Variants in IFT52 observed in about 807,000 individuals in gnomAD.
IFT52 encodes the protein intraflagellar transport protein 52 homolog.
Under a neutral mutation model 54.4 loss-of-function variants are expected in IFT52, and 44 were observed. That is an observed-to-expected ratio of 0.81 (90% CI 0.63 to 1.04). The LOEUF is 1.04. Among genes scored for constraint, IFT52 ranks in the 50% least tolerant of loss-of-function variants. The pLI is 0.00. For synonymous variants in IFT52, 181 were observed against 185.3 expected (o/e 0.98, Z 0.19); for missense variants, 452 against 523.6 (o/e 0.86, Z 1.33).
intron 8 of IFT52, 23 bp downstream of exon 8, chr20:43,619,049 T>G: frequency 1.4e-6 from 2 of 1,452,016 alleles, no homozygotes; most frequent in Middle Eastern, 1.7e-4. Context: ...TTTTGTCATA[T>G]TAATATACAA....
intron 1 of IFT52, among the ~76,000 whole-genome samples, chr20:43,592,446 C>T (rs1601013202): frequency 6.6e-6 from 1 of 151,878 alleles, no homozygotes; most frequent in South Asian, 2.1e-4. Flanking sequence ...TGTGTTTGGG[C>T]GCCTGTAGTC....
At chr20:43,612,468 G>A (rs758008948) in intron 6 of IFT52, among the ~76,000 whole-genome samples, 19 of 151,994 alleles carry the variant, frequency 1.3e-4, no homozygotes, top group African/African-American at 2.7e-4. Flanking sequence ...CAAGGTGGGC[G>A]GATTGCCTGA....
chr20:43,626,576 T>C (rs1000068752), intron 10 of IFT52, among the ~76,000 whole-genome samples: 1 of 152,154 alleles, frequency 6.6e-6, no homozygotes, highest in African/African-American at 2.4e-5. Flanking sequence ...TCAGGATGAA[T>C]CTTTTTTCTT....
At chr20:43,592,190 A>G (rs1020757062) in intron 1 of IFT52, among the ~76,000 whole-genome samples, 6 of 152,072 alleles carry the variant, frequency 3.9e-5, no homozygotes, top group Non-Finnish European at 7.4e-5. Flanking sequence ...CACCGTCTCT[A>G]CTATGGCGCG....
chr20:43,622,392 A>C (rs1309374030), intron 9 of IFT52, among the ~76,000 whole-genome samples: 1 of 151,904 alleles, frequency 6.6e-6, no homozygotes, highest in Admixed American at 6.6e-5. Context: ...AGGTCAGGAG[A>C]TGGAGACCAT....
rs1379270397 is a variant in IFT52, at chr20:43,605,056, C to G, written c.468C>G (p.Ser156Arg). Residue 156 changes from serine (S) to arginine (R), a missense_variant, in exon 6 of 14, where the codon AGC becomes AGG. Coordinates refer to ENST00000373030, the MANE Select transcript of IFT52 (RefSeq NM_016004.5). ...KAVPGIIDEE[S>R]SGNNAQALTF... The stretch of plus-strand genomic sequence containing the variant: ...TGCCTGGGATCATTGATGAGGAAAG[C>G]AGTGGAAACAATGCCCAGTGAGTGT... The G allele has an allele frequency of 9.3e-6, 15 of 1,613,446 alleles. No individual in the cohort carries two copies. Among genetic ancestry groups the G allele is most frequent in the Non-Finnish European group, 1.3e-5 (15 of 1,179,798 alleles).
At chr20:43,639,651 C>T (rs1985781355) in intron 12 of IFT52, among the ~76,000 whole-genome samples, 1 of 151,958 alleles carries the variant, frequency 6.6e-6, no homozygotes, top group Non-Finnish European at 1.5e-5. Context: ...GCCTGGGCAA[C>T]AAGAGCGAAA....
rs1982771308 is a variant in IFT52 at position 43,605,264 on chromosome 20, G to A, written c.485+191G>A. 2.3e-6 allele frequency: 3 copies of A among 1,329,144 alleles called. No individual in the cohort carries two copies. In the East Asian group the frequency reaches 1.0e-4, roughly 46 times the overall value. The allele number at this position is 1,329,144 out of a possible 1,614,324, so 82.3% of individuals were successfully genotyped here. On this transcript the variant is annotated intron_variant, in intron 6 of 13. Transcript: ENST00000373030. The stretch of plus-strand genomic sequence containing the variant: ...GAAGGTAGTCTTAATATAGTATTTA[G>A]GCCCAGCATGGTGGCTCACGCCTGT...
chr20:43,647,082 C>A lies in IFT52; in HGVS notation c.*99C>A, dbSNP rs954911404. The A allele has an allele frequency of 2.9e-6, 3 of 1,032,832 alleles. No individual in the cohort carries two copies. Among genetic ancestry groups the A allele is most frequent in the Non-Finnish European group, 4.6e-6 (3 of 656,318 alleles). The allele number at this position is 1,032,832 out of a possible 1,614,324, so 64.0% of individuals were successfully genotyped here. On this transcript the variant is annotated 3_prime_UTR_variant, in exon 14 of 14. Coordinates refer to ENST00000373030, the MANE Select transcript of IFT52 (RefSeq NM_016004.5). ...TCCTTATCAAAATTGTTTATACACT[C>A]TTTCCTCCATGAGCTCTGGAAGGTA...
At chr20:43,635,124 C>T (rs543482760) in intron 10 of IFT52, among the ~76,000 whole-genome samples, 2 of 151,004 alleles carry the variant, frequency 1.3e-5, no homozygotes, top group Non-Finnish European at 2.9e-5. Context: ...GCCGAGATCG[C>T]GCCACTGCAC....
At chr20:43,633,142 G>A (rs1985286925) in intron 10 of IFT52, among the ~76,000 whole-genome samples, 1 of 152,038 alleles carries the variant, frequency 6.6e-6, no homozygotes, top group Admixed American at 6.6e-5. Flanking sequence ...TTGGGAGTTC[G>A]AGACCAGCCT....
In IFT52 at chr20:43,604,222, C is replaced by A; in HGVS notation, c.377C>A (p.Pro126His). 1 of 1,611,608 alleles carries A rather than the reference C, an allele frequency of 6.2e-7. No homozygotes were observed. The highest frequency in any genetic ancestry group is 8.5e-7 in the Non-Finnish European group (1 of 1,177,768). The stretch of plus-strand genomic sequence containing the variant: ...AATGTATATCACAAATATTTCCATC[C>A]TAAAGAAGCTCTAGTTTCCAGTGGA... ...VRNVYHKYFH[P>H]KEALVSSGVL... The change falls in exon 5 of 14, where the codon CCT (proline) becomes CAT (histidine). Residue 126 changes from proline (P) to histidine (H), a missense_variant. By Grantham distance (77) the Pro-to-His change is moderately conservative. Coordinates refer to ENST00000373030, the MANE Select transcript of IFT52 (RefSeq NM_016004.5).
intron 10 of IFT52, among the ~76,000 whole-genome samples, chr20:43,635,532 G>C (rs148393774): frequency 2.0e-5 from 3 of 152,236 alleles, no homozygotes; most frequent in African/African-American, 7.2e-5. Context: ...CTTGACCTCA[G>C]GTGATCCACC....
intron 10 of IFT52, among the ~76,000 whole-genome samples, chr20:43,629,475 T>C (rs1985007480): frequency 6.6e-6 from 1 of 152,172 alleles, no homozygotes; most frequent in African/African-American, 2.4e-5. Context: ...GGTTTCACTG[T>C]GTTAGCCAGG....
At chr20:43,628,175 C>T (rs888039030) in intron 10 of IFT52, among the ~76,000 whole-genome samples, 11 of 151,992 alleles carry the variant, frequency 7.2e-5, no homozygotes, top group Non-Finnish European at 1.3e-4. Context: ...GTGATCCACC[C>T]GCCTCAGCCT....
chr20:43,631,088 A>G (rs1291479249), intron 10 of IFT52, among the ~76,000 whole-genome samples: 1 of 152,202 alleles, frequency 6.6e-6, no homozygotes, highest in African/African-American at 2.4e-5. Flanking sequence ...TTTGGGGCAG[A>G]CCAAAGTAAA....
At chr20:43,607,796 G>A (rs1470938922) in intron 6 of IFT52, among the ~76,000 whole-genome samples, 1 of 152,084 alleles carries the variant, frequency 6.6e-6, no homozygotes, top group African/African-American at 2.4e-5. Flanking sequence ...CAAGACAGGC[G>A]GCTGGGAGGT....
chr20:43,646,705 C>T (rs1023388264), intron 13 of IFT52, among the ~76,000 whole-genome samples: 3 of 152,102 alleles, frequency 2.0e-5, no homozygotes, highest in African/African-American at 7.2e-5. Context: ...GCTTTCAACT[C>T]TGTTTGTTAC....
At chr20:43,596,806 A>G (rs943031085) in intron 3 of IFT52, among the ~76,000 whole-genome samples, 3 of 140,972 alleles carry the variant, frequency 2.1e-5, no homozygotes, top group Admixed American at 1.5e-4. Flanking sequence ...CAGTGGCGCA[A>G]TCTCGGCTCA....
Sources: gnomAD v4.1 joint callset for allele counts (sites outside exome capture counted in the v4.1 genomes callset) on GRCh38, gnomAD v4.1.1 for gene constraint, MANE v1.5 for transcripts, NCBI Gene and HGNC (gene_info 2026-07-23, HGNC 2026-07-21) for gene names.